The following ITSN1 variants were observed in gnomAD, a reference collection of about 807,000 sequenced individuals.
ITSN1 encodes the protein intersectin-1.
ITSN1 carries 58 observed loss-of-function variants against 239.8 expected under a neutral mutation model. The observed-to-expected ratio is 0.24, with a 90% CI of 0.20 to 0.30. ITSN1 has a LOEUF of 0.30. Ranked by LOEUF, ITSN1 falls within the 10% of genes least tolerant of loss-of-function variation. ITSN1 has a pLI of 1.00. For missense variants in ITSN1, 1,558 were observed against 2,103.3 expected (o/e 0.74, Z 5.07); for synonymous variants, 780 against 770.8 (o/e 1.01, Z -0.20).
rs369982175 is a variant in ITSN1 at position 33,875,383 on chromosome 21, G to A, written c.4203G>A (p.Pro1401=). The change falls in exon 34 of 40, where the codon CCG becomes CCA. Residue 1401 remains proline, a synonymous_variant. Coordinates refer to ENST00000381318, the MANE Select transcript of ITSN1 (RefSeq NM_003024.3). ...NILENTPENH[P]DHSHLKHALE... ...TGGAAAACACCCCTGAAAACCACCC[G>A]GACCACAGCCACTTGAAGCACGCCC... 1.7e-5 allele frequency: 27 copies of A among 1,612,118 alleles called. No individual in the cohort carries two copies. Among genetic ancestry groups the A allele is most frequent in the East Asian group, 6.7e-5 (3 of 44,820 alleles).
At position 33,818,375 on chromosome 21, in the gene ITSN1, C is replaced by G. The variant is rs777273587; in HGVS notation, c.2836C>G (p.Gln946Glu). The G allele has an allele frequency of 6.2e-7, 1 of 1,614,188 alleles. No homozygotes were observed. The change falls in exon 23 of 40, where the codon CAA becomes GAA. Residue 946 changes from glutamine (Q) to glutamate (E), a missense_variant. This residue lies in a region of ITSN1 where 982 missense variants were observed against 1,209.9 expected (regional missense o/e 0.81). Transcript: ENST00000381318. ...KNDVITVLEQ[Q>E]DMWWFGEVQG... is the part of the protein sequence containing the mutation. ...TGATGTCATCACCGTCCTGGAACAG[C>G]AAGACATGTGGTGGTTTGGAGAAGT...
At position 33,698,236 on chromosome 21, in the gene ITSN1, G is replaced by A. The variant is rs1288922925; in HGVS notation, c.-32-20561G>A. Among the ~76,000 whole-genome samples the A allele has an allele frequency of 2.6e-5, 4 of 152,140 alleles. No homozygotes were observed. In the South Asian group the frequency reaches 6.2e-4, roughly 24 times the overall value. On this transcript the variant is annotated intron_variant, in intron 1 of 39. Coordinates refer to ENST00000381318, the MANE Select transcript of ITSN1 (RefSeq NM_003024.3). ...GCAGGAGTAAAGGGACAAATCGTCC[G>A]AAATGCCATTGAGTGTTGCCAAGTG...
intron 20 of ITSN1, among the ~76,000 whole-genome samples, chr21:33,808,193 C>CAA (rs201200641): frequency 3.4e-5 from 4 of 118,872 alleles, no homozygotes; most frequent in Non-Finnish European, 3.6e-5. Flanking sequence ...GACTCCGTCT[C>CAA]AAAAAAAAAA....
intron 1 of ITSN1, among the ~76,000 whole-genome samples, chr21:33,672,229 A>AG (rs886543441): frequency 4.6e-5 from 7 of 152,160 alleles, no homozygotes; most frequent in Admixed American, 1.3e-4. Context: ...AAAAAAAAAA[A>AG]GAATTGATGT....
chr21:33,876,306 CTCCTTCCT>C (rs370173741), intron 34 of ITSN1, among the ~76,000 whole-genome samples: 4 of 142,664 alleles, frequency 2.8e-5, no homozygotes, highest in African/African-American at 7.8e-5. Flanking sequence ...CTCTTTCTTT[CTCCTTCCT>C]TCCTTCCTTC....
Position 33,875,463 on chromosome 21 carries a change from A to G in ITSN1, c.4283A>G (p.Glu1428Gly). ...SQVNEGVREK[E>G]NSDRLEWIQA... The stretch of plus-strand genomic sequence containing the variant: ...GTGAACGAAGGGGTGCGGGAGAAGG[A>G]GAACTCTGACCGGCTGGAGTGGATC... The change falls in exon 34 of 40, where the codon GAG (glutamate) becomes GGG (glycine). Residue 1428 changes from glutamate (E) to glycine (G), a missense_variant. Coordinates refer to ENST00000381318, the MANE Select transcript of ITSN1 (RefSeq NM_003024.3). 2.5e-6 allele frequency: 4 copies of G among 1,614,174 alleles called. No individual in the cohort carries two copies. Among genetic ancestry groups the G allele is most frequent in the Non-Finnish European group, 3.4e-6 (4 of 1,180,016 alleles).
In ITSN1 at chr21:33,772,362, C is replaced by T. The variant is rs370838209; in HGVS notation, c.1305+39C>T. 6.9e-5 allele frequency: 107 copies of T among 1,544,778 alleles called. No homozygotes were observed. In the African/African-American group the frequency reaches 1.2e-3, roughly 18 times the overall value. On this transcript the variant is annotated intron_variant, in intron 12 of 39. Coordinates refer to ENST00000381318, the MANE Select transcript of ITSN1 (RefSeq NM_003024.3). ...AGTGGAGCCACCCGGAGTTAGTGTG[C>T]GATCACCCCTTTTCAGAATTATCCA...
intron 16 of ITSN1, among the ~76,000 whole-genome samples, 162 bp from the exon 17 acceptor site, chr21:33,794,179 A>G (rs2071359444): frequency 6.6e-6 from 1 of 152,186 alleles, no homozygotes; most frequent in Admixed American, 6.5e-5. Flanking sequence ...AGTCATGTCA[A>G]AATGTGGTGT....
rs1043119783 is a variant in ITSN1, at chr21:33,657,572, C to T, written c.-33+14859C>T. 1.3e-4 allele frequency among the ~76,000 whole-genome samples: 20 copies of T among 152,106 alleles called. 1 individual carries two copies. The highest frequency in any genetic ancestry group is 6.5e-4 in the Admixed American group (10 of 15,270). ...CTGGAGCGGTGTCTTTTTTTCTAAC[C>T]CTGCATCGTGTAATGATGATGTTCT... On this transcript the variant is annotated intron_variant, in intron 1 of 39. Coordinates refer to ENST00000381318, the MANE Select transcript of ITSN1 (RefSeq NM_003024.3).
chr21:33,823,756 C>A lies in ITSN1; in HGVS notation c.3183+103C>A, dbSNP rs1830587139. 9.0e-6 allele frequency: 10 copies of A among 1,112,678 alleles called. No homozygotes were observed. The South Asian group carries it at 1.2e-4, about 13-fold the overall frequency. The allele number at this position is 1,112,678 out of a possible 1,614,324, so 68.9% of individuals were successfully genotyped here. On this transcript the variant is annotated intron_variant, in intron 25 of 39. Coordinates refer to ENST00000381318, the MANE Select transcript of ITSN1 (RefSeq NM_003024.3). ...GAACTTTGTTGGGTTTTGCTAAGTT[C>A]TGGAATGTGACAGTAAATCCAGTGT... is the stretch of plus-strand genomic sequence containing the variant.
intron 31 of ITSN1, among the ~76,000 whole-genome samples, chr21:33,860,482 T>C (rs1246162414): frequency 1.3e-5 from 2 of 152,224 alleles, no homozygotes; most frequent in African/African-American, 4.8e-5. Flanking sequence ...AAACTGGTGC[T>C]GGCCTCAGCT....
chr21:33,822,237 CTG>C (rs2073724258), intron 24 of ITSN1, among the ~76,000 whole-genome samples: 1 of 152,166 alleles, frequency 6.6e-6, no homozygotes, highest in Admixed American at 6.5e-5. Context: ...GTGTTTTTGT[CTG>C]TTTGTTTTAG....
intron 24 of ITSN1, among the ~76,000 whole-genome samples, chr21:33,822,106 G>T (rs1333200774): frequency 6.6e-6 from 1 of 152,206 alleles, no homozygotes; most frequent in Non-Finnish European, 1.5e-5. Context: ...CTGCCATGGG[G>T]CCCAGTGCTC....
At chr21:33,815,670 G>A (rs186208118) in intron 22 of ITSN1, among the ~76,000 whole-genome samples, 15 of 152,312 alleles carry the variant, frequency 9.8e-5, no homozygotes, top group African/African-American at 3.1e-4. Flanking sequence ...AAAGTGAAGT[G>A]TCAGAGGATA....
Position 33,823,536 on chromosome 21 carries a change from C to G in ITSN1, c.3066C>G (p.Thr1022=). Residue 1022 remains threonine, a synonymous_variant, in exon 25 of 40, where the codon ACC becomes ACG. Transcript: ENST00000381318. The stretch of plus-strand genomic sequence containing the variant: ...AGAGTTCTGAGCAAGGAGATTTAAC[C>G]TTTCAGCAAGGGGATGTGATTTTGG... ...TYESSEQGDL[T]FQQGDVILVT... 1 of 1,614,116 alleles carries G rather than the reference C, an allele frequency of 6.2e-7. No individual in the cohort carries two copies. The highest frequency in any genetic ancestry group is 1.3e-5 in the African/African-American group (1 of 75,028).
chr21:33,754,819 A>C (rs570272711), intron 7 of ITSN1, among the ~76,000 whole-genome samples: 3 of 152,308 alleles, frequency 2.0e-5, no homozygotes, highest in African/African-American at 4.8e-5. Flanking sequence ...GAGTAATTTC[A>C]CTTCATTAAG....
chr21:33,768,616 A>T (rs533575212), intron 11 of ITSN1, among the ~76,000 whole-genome samples: 59 of 152,298 alleles, frequency 3.9e-4, no homozygotes, highest in Non-Finnish European at 7.8e-4. Flanking sequence ...TACAATGATA[A>T]ATCCATCATA....
intron 9 of ITSN1, 100 bp downstream of exon 9, chr21:33,762,086 T>C (rs1884490027): frequency 2.4e-6 from 2 of 838,906 alleles, no homozygotes; most frequent in Admixed American, 3.8e-5. Context: ...TATGGGGGAA[T>C]ATGTAGAATT....
intron 22 of ITSN1, among the ~76,000 whole-genome samples, chr21:33,816,411 G>A (rs2073273890): frequency 6.6e-6 from 1 of 152,130 alleles, no homozygotes; most frequent in Non-Finnish European, 1.5e-5. Context: ...GCATTACCAT[G>A]GGATTGCTAA....
Sources: gnomAD v4.1 joint callset for allele counts (sites outside exome capture counted in the v4.1 genomes callset) on GRCh38, gnomAD v4.1.1 for gene constraint, gnomAD v4.1.1 regional missense constraint, MANE v1.5 for transcripts, NCBI Gene and HGNC (gene_info 2026-07-23, HGNC 2026-07-21) for gene names.